Variants in ARHGAP6 observed in about 807,000 individuals in gnomAD.
ARHGAP6 encodes rho GTPase-activating protein 6.
In ARHGAP6, 16 loss-of-function variants were observed where a neutral mutation model predicts 55.7. That is an observed-to-expected ratio of 0.29 (90% CI 0.19 to 0.44). The LOEUF (loss-of-function observed/expected upper bound fraction) is 0.44. Among genes scored for constraint, ARHGAP6 ranks in the 20% least tolerant of loss-of-function variants. ARHGAP6 has a pLI of 1.00. For missense variants in ARHGAP6, 698 were observed against 808.9 expected, an observed-to-expected ratio of 0.86 and a Z score of 1.66; for synonymous variants, 382 against 360.9, an observed-to-expected ratio of 1.06 and a Z score of -0.66.
intron 1 of ARHGAP6, among the ~76,000 whole-genome samples, chrX:11,619,554 G>A (rs2052204178): frequency 8.9e-6 from 1 of 112,220 alleles, no homozygotes; most frequent in South Asian, 3.7e-4. Context: ...TTAATTCAGG[G>A]TTTAGGTATT....
intron 1 of ARHGAP6, among the ~76,000 whole-genome samples, chrX:11,586,224 G>A (rs891331488): frequency 8.9e-5 from 10 of 112,173 alleles, no homozygotes; most frequent in Non-Finnish European, 1.7e-4. Flanking sequence ...TGCTTTTGGT[G>A]TCTTTGTCAT....
chrX:11,563,189 A>G (rs1163342897), intron 1 of ARHGAP6, among the ~76,000 whole-genome samples: 1 of 112,254 alleles, frequency 8.9e-6, no homozygotes, highest in Non-Finnish European at 1.9e-5. Context: ...GAAAATTCAT[A>G]AGAAAATAAA....
At chrX:11,654,802 A>G (rs1209055302) in intron 1 of ARHGAP6, among the ~76,000 whole-genome samples, 1 of 111,969 alleles carries the variant, frequency 8.9e-6, no homozygotes, top group African/African-American at 3.2e-5. Flanking sequence ...AACTGACTAT[A>G]TAACTACTCT....
chrX:11,447,208 C>T (rs1042412380), intron 1 of ARHGAP6, among the ~76,000 whole-genome samples: 4 of 111,995 alleles, frequency 3.6e-5, no homozygotes, highest in Admixed American at 9.5e-5. Flanking sequence ...ATCAGAATAT[C>T]GTGACCTATT....
At chrX:11,429,708 C>G (rs1002578553) in intron 1 of ARHGAP6, among the ~76,000 whole-genome samples, 2 of 111,359 alleles carry the variant, frequency 1.8e-5, no homozygotes, top group Non-Finnish European at 3.8e-5. Context: ...GGAGGCCTTC[C>G]TTGCTCTGTG....
chrX:11,155,757 G>C (rs184198328), intron 10 of ARHGAP6, among the ~76,000 whole-genome samples: 1 of 112,063 alleles, frequency 8.9e-6, no homozygotes, highest in African/African-American at 3.2e-5. Flanking sequence ...TTTATTGTTT[G>C]GTGTCCTGGT....
intron 1 of ARHGAP6, among the ~76,000 whole-genome samples, chrX:11,656,286 G>A (rs932440782): frequency 1.8e-5 from 2 of 112,230 alleles, no homozygotes; most frequent in Non-Finnish European, 3.8e-5. Context: ...CAGGAGCTCT[G>A]TGCCCTTTCT....
intron 1 of ARHGAP6, among the ~76,000 whole-genome samples, chrX:11,273,414 T>TAA (rs200357210): frequency 8.9e-5 from 9 of 101,430 alleles, no homozygotes; most frequent in Non-Finnish European, 1.2e-4. Context: ...ATTTCATTTG[T>TAA]AAAAAAAAAA....
At chrX:11,167,679 G>A (rs1381889421) in intron 9 of ARHGAP6, among the ~76,000 whole-genome samples, 1 of 111,752 alleles carries the variant, frequency 8.9e-6, no homozygotes, top group Non-Finnish European at 1.9e-5. Flanking sequence ...TTCATATAAA[G>A]GAGAACTTTG....
intron 5 of ARHGAP6, among the ~76,000 whole-genome samples, chrX:11,185,530 T>TA (rs36099560): frequency 8.9e-6 from 1 of 111,992 alleles, no homozygotes; most frequent in African/African-American, 3.2e-5. Flanking sequence ...TTTTTACAGT[T>TA]AAAAAAAGTA....
intron 1 of ARHGAP6, among the ~76,000 whole-genome samples, chrX:11,547,171 G>C (rs770864282): frequency 3.6e-5 from 4 of 112,487 alleles, no homozygotes; most frequent in Non-Finnish European, 7.5e-5. Context: ...ATGGGTGTTT[G>C]AATTTCCAAG....
chrX:11,241,726 G>T (rs2047285542), intron 2 of ARHGAP6, among the ~76,000 whole-genome samples: 1 of 111,769 alleles, frequency 8.9e-6, no homozygotes, highest in Admixed American at 9.5e-5. Context: ...GGAACAGGGT[G>T]ATTGGTTCAC....
At chrX:11,401,728 T>TA (rs2049551544) in intron 1 of ARHGAP6, among the ~76,000 whole-genome samples, 1 of 111,862 alleles carries the variant, frequency 8.9e-6, no homozygotes, top group South Asian at 3.8e-4. Context: ...TTAGGATACT[T>TA]ACGACCTGAA....
At chrX:11,428,579 A>G (rs2049912969) in intron 1 of ARHGAP6, among the ~76,000 whole-genome samples, 1 of 111,825 alleles carries the variant, frequency 8.9e-6, no homozygotes, top group African/African-American at 3.3e-5. Context: ...TCATGAATCA[A>G]TCAATGCAAG....
intron 1 of ARHGAP6, chrX:11,294,672 T>C: frequency 1.2e-6 from 1 of 858,956 alleles, no homozygotes; most frequent in African/African-American, 2.0e-5. Flanking sequence ...GCTCCATCCT[T>C]CTTACTAGCA....
chrX:11,182,635 CTTTTTTTT>C (rs1043810466), intron 5 of ARHGAP6, among the ~76,000 whole-genome samples: 1 of 83,131 alleles, frequency 1.2e-5, no homozygotes, highest in African/African-American at 4.5e-5. Context: ...TTCCTTTTTT[CTTTTTTTT>C]TTTTTTTTTT....
At chrX:11,635,376 T>C (rs1176473903) in intron 1 of ARHGAP6, among the ~76,000 whole-genome samples, 1 of 111,616 alleles carries the variant, frequency 9.0e-6, no homozygotes, top group Admixed American at 9.5e-5. Context: ...TGTTTCTACA[T>C]TTTTTTGTAT....
rs1014102517 is a variant in ARHGAP6, at chrX:11,524,984, C to T, written c.588+139257G>A. Among the ~76,000 whole-genome samples the T allele has an allele frequency of 3.6e-5, 4 of 110,637 alleles. No homozygotes were observed. The Admixed American group carries it at 3.9e-4, about 11-fold the overall frequency. ...TCATGCTCCTAAGAGAATCTAATGC[C>T]GCTGCTGATTTGATGGGAGGCAGAG... On this transcript the variant is annotated intron_variant, in intron 1 of 12. Coordinates refer to ENST00000337414, the MANE Select transcript of ARHGAP6 (RefSeq NM_013427.3).
intron 1 of ARHGAP6, among the ~76,000 whole-genome samples, chrX:11,577,961 C>G (rs182394686): frequency 9.0e-6 from 1 of 111,508 alleles, no homozygotes; most frequent in African/African-American, 3.3e-5. Context: ...CTTGAGGGAC[C>G]ACTTCTATCC....
Sources: allele counts gnomAD v4.1 joint callset (sites outside exome capture counted in the v4.1 genomes callset), GRCh38; gene constraint gnomAD v4.1.1; transcripts MANE v1.5; gene names NCBI Gene and HGNC (gene_info 2026-07-23, HGNC 2026-07-21).